STRBP: variants seen among roughly 807,000 people sequenced by gnomAD.
STRBP encodes spermatid perinuclear RNA-binding protein.
Under a neutral mutation model 80.1 loss-of-function variants are expected in STRBP, and 13 were observed. The observed-to-expected ratio is 0.16, with a 90% CI of 0.11 to 0.26. The LOEUF (loss-of-function observed/expected upper bound fraction) is 0.26. Among genes scored for constraint, STRBP ranks in the 10% least tolerant of loss-of-function variants. The pLI is 1.00. For synonymous variants in STRBP, 284 were observed against 291.2 expected (o/e 0.98, Z 0.25); for missense variants, 485 against 815.2 (o/e 0.59, Z 4.93).
At chr9:123,229,977 T>A (rs1213159876) in intron 2 of STRBP, among the ~76,000 whole-genome samples, 1 of 152,178 alleles carries the variant, frequency 6.6e-6, no homozygotes, top group African/African-American at 2.4e-5. Flanking sequence ...CAGGTACAGG[T>A]GCAGATTAGG....
intron 2 of STRBP, among the ~76,000 whole-genome samples, chr9:123,213,374 G>A (rs763717905): frequency 8.5e-5 from 13 of 152,080 alleles, no homozygotes; most frequent in Non-Finnish European, 1.8e-4. Context: ...TTCGTTTTTC[G>A]AAACTTGATA....
At chr9:123,267,155 A>G (rs1588171680) in intron 1 of STRBP, among the ~76,000 whole-genome samples, 1 of 94,424 alleles carries the variant, frequency 1.1e-5, no homozygotes, top group East Asian at 2.7e-4. Context: ...ACTCCACGCC[A>G]CCCCACACCT....
chr9:123,238,075 TGAAAA>T (rs749229598), intron 1 of STRBP, among the ~76,000 whole-genome samples: 5 of 152,212 alleles, frequency 3.3e-5, no homozygotes, highest in African/African-American at 1.2e-4. Flanking sequence ...GATGTTTAAA[TGAAAA>T]GAAAACTCCA....
At chr9:123,171,718 G>A (rs977875369) in intron 5 of STRBP, among the ~76,000 whole-genome samples, 4 of 152,116 alleles carry the variant, frequency 2.6e-5, no homozygotes, top group Admixed American at 2.0e-4. Flanking sequence ...ATGTTAAATT[G>A]AAAGATACTT....
At chr9:123,165,942 T>G (rs761886117) in intron 6 of STRBP, among the ~76,000 whole-genome samples, 1 of 152,200 alleles carries the variant, frequency 6.6e-6, no homozygotes, top group East Asian at 1.9e-4. Context: ...TATATATTAC[T>G]TGAGCTATGA....
At chr9:123,134,792 G>GA (rs1484852797) in intron 16 of STRBP, among the ~76,000 whole-genome samples, 2 of 151,952 alleles carry the variant, frequency 1.3e-5, no homozygotes, top group Admixed American at 6.6e-5. Flanking sequence ...TGTAATATGG[G>GA]AAAAAACACC....
At chr9:123,238,557 T>C (rs1352474337) in intron 1 of STRBP, among the ~76,000 whole-genome samples, 2 of 152,210 alleles carry the variant, frequency 1.3e-5, no homozygotes, top group Non-Finnish European at 2.9e-5. Context: ...GAACAGTACA[T>C]TGTACTAGGG....
chr9:123,258,608 C>T (rs1480166256), intron 1 of STRBP, among the ~76,000 whole-genome samples: 1 of 152,000 alleles, frequency 6.6e-6, no homozygotes, highest in African/African-American at 2.4e-5. Context: ...TCGAGACCAT[C>T]CTGGCTAACA....
chr9:123,134,740 A>G (rs562999621), intron 16 of STRBP, among the ~76,000 whole-genome samples: 1 of 152,334 alleles, frequency 6.6e-6, no homozygotes, highest in African/African-American at 2.4e-5. Flanking sequence ...AAATATTTGC[A>G]CATGGGCTTT....
intron 13 of STRBP, among the ~76,000 whole-genome samples, chr9:123,141,167 AAACAAC>A (rs1434613196): frequency 3.3e-5 from 5 of 152,242 alleles, no homozygotes; most frequent in Non-Finnish European, 4.4e-5. Flanking sequence ...CAGCCTTTAT[AAACAAC>A]TGCATCTTGT....
At chr9:123,218,648 C>T (rs1014750094) in intron 2 of STRBP, among the ~76,000 whole-genome samples, 2 of 151,946 alleles carry the variant, frequency 1.3e-5, no homozygotes, top group Non-Finnish European at 2.9e-5. Flanking sequence ...GGATTACAGG[C>T]GTGAGCCACC....
intron 2 of STRBP, among the ~76,000 whole-genome samples, chr9:123,198,219 C>A (rs2039176936): frequency 6.6e-6 from 1 of 152,118 alleles, no homozygotes; most frequent in Admixed American, 6.5e-5. Flanking sequence ...CAGCTCACCG[C>A]AATCTCCACC....
intron 2 of STRBP, among the ~76,000 whole-genome samples, chr9:123,224,533 C>A (rs976694077): frequency 1.3e-5 from 2 of 152,172 alleles, no homozygotes; most frequent in African/African-American, 4.8e-5. Context: ...CATCTTTTCA[C>A]GCAACTTTCA....
chr9:123,209,933 G>C (rs530817634), intron 2 of STRBP, among the ~76,000 whole-genome samples: 1 of 152,142 alleles, frequency 6.6e-6, no homozygotes, highest in South Asian at 2.1e-4. Flanking sequence ...AAACATATAG[G>C]CTGCTGAGAA....
At chr9:123,169,851 A>AAAC (rs541382596) in intron 6 of STRBP, 51 bp downstream of exon 6, 4 of 1,115,496 alleles carry the variant, frequency 3.6e-6, no homozygotes, top group Non-Finnish European at 4.6e-6. Context: ...TGAAGAAAAC[A>AAAC]AACAACAACA....
chr9:123,172,341 C>T lies in STRBP; in HGVS notation c.390+1336G>A, dbSNP rs112014644. ...TGCTAAAACAAAATAAAAATTGAAA[C>T]GGGAACTTTATTAATATTCTAATAA... is the stretch of plus-strand genomic sequence containing the variant. On this transcript the variant is annotated intron_variant, in intron 5 of 18. Transcript: ENST00000348403. Among the ~76,000 whole-genome samples, 548 of 152,212 alleles carry T rather than the reference C, an allele frequency of 3.6e-3. 2 individuals carry two copies. Among genetic ancestry groups the T allele is most frequent in the African/African-American group, 0.012 (490 of 41,548 alleles).
At chr9:123,165,057 C>G (rs1383370948) in intron 6 of STRBP, among the ~76,000 whole-genome samples, 1 of 151,884 alleles carries the variant, frequency 6.6e-6, no homozygotes, top group South Asian at 2.1e-4. Context: ...CCGAGGCAGG[C>G]AGATCACAAG....
At chr9:123,267,716 G>T (rs2041302568) in intron 1 of STRBP, among the ~76,000 whole-genome samples, 1 of 98,036 alleles carries the variant, frequency 1.0e-5, no homozygotes, top group Non-Finnish European at 2.0e-5. Context: ...CGGGCGTCCC[G>T]GTGGCCTTCC....
chr9:123,227,298 G>C (rs540698340), intron 2 of STRBP, among the ~76,000 whole-genome samples: 1 of 152,294 alleles, frequency 6.6e-6, no homozygotes, highest in South Asian at 2.1e-4. Context: ...GCTTTGAGGA[G>C]ATCTGAAAAT....
Sources: gnomAD v4.1 joint callset for allele counts (sites outside exome capture counted in the v4.1 genomes callset) on GRCh38, gnomAD v4.1.1 for gene constraint, MANE v1.5 for transcripts, NCBI Gene and HGNC (gene_info 2026-07-23, HGNC 2026-07-21) for gene names.